Variants in MITF observed in about 807,000 individuals in gnomAD.
MITF encodes melanocyte inducing transcription factor, also known as microphthalmia-associated transcription factor.
A neutral mutation model predicts 60.5 loss-of-function variants in MITF; 17 were observed. The observed-to-expected ratio is 0.28, with a 90% CI of 0.19 to 0.42. MITF has a LOEUF of 0.42. Ranked by LOEUF, MITF falls within the 10% of genes least tolerant of loss-of-function variation. The pLI, the probability that MITF is intolerant of heterozygous loss-of-function variation, is 1.00. For synonymous variants in MITF, 260 were observed against 248.5 expected, an observed-to-expected ratio of 1.05 and a Z score of -0.43; for missense variants, 622 against 683.5, an observed-to-expected ratio of 0.91 and a Z score of 1.00.
chr3:69,889,023 T>C (rs1028688240), intron 2 of MITF, among the ~76,000 whole-genome samples: 1 of 138,230 alleles, frequency 7.2e-6, no homozygotes, highest in African/African-American at 2.6e-5. Flanking sequence ...TAATAGCCTT[T>C]GGTTTTTTTT....
At position 69,921,896 on chromosome 3, in the gene MITF, G is replaced by C. The variant is rs1575968352; in HGVS notation, c.355-15926G>C. 2.0e-5 allele frequency among the ~76,000 whole-genome samples: 3 copies of C among 152,182 alleles called. No individual in the cohort carries two copies. The South Asian group carries it at 6.2e-4, about 32-fold the overall frequency. On this transcript the variant is annotated intron_variant, in intron 2 of 9. Transcript: ENST00000352241. Reference sequence around the variant, plus strand: ...TTGAAAGGCTGTCTTGTGCATCGTAGGATGTTTAGCATCACCGCTGGACTC... The same window carrying C: ...TTGAAAGGCTGTCTTGTGCATCGTACGATGTTTAGCATCACCGCTGGACTC...
chr3:69,778,258 T>C (rs60551165), intron 1 of MITF, among the ~76,000 whole-genome samples: 28,632 of 152,020 alleles, frequency 0.19, 3,269 homozygotes, highest in East Asian at 0.48. Flanking sequence ...AGGATGAATA[T>C]TAATTCTTCC....
intron 1 of MITF, among the ~76,000 whole-genome samples, chr3:69,850,202 AT>A (rs1277287971): frequency 2.6e-5 from 4 of 152,164 alleles, no homozygotes; most frequent in African/African-American, 7.2e-5. Context: ...ATAGGATAAT[AT>A]TTTTGGAGTG....
chr3:69,753,368 G>A (rs1321319699), intron 1 of MITF, among the ~76,000 whole-genome samples: 1 of 152,246 alleles, frequency 6.6e-6, no homozygotes, highest in East Asian at 1.9e-4. Context: ...TGCTGCAGGG[G>A]CAGAGCCCTC....
intron 1 of MITF, among the ~76,000 whole-genome samples, chr3:69,808,225 T>C (rs1288773823): frequency 6.6e-6 from 1 of 151,652 alleles, no homozygotes; most frequent in African/African-American, 2.4e-5. Context: ...TTGATATAAT[T>C]GTAAAAGTAT....
chr3:69,951,831 G>A lies in MITF; in HGVS notation c.900G>A (p.Glu300=), dbSNP rs969065380. Residue 300 remains glutamate, a synonymous_variant, in exon 7 of 10, where the codon GAG becomes GAA. Coordinates refer to ENST00000352241, the MANE Select transcript of MITF (RefSeq NM_001354604.2). ...RELTACIFPT[E]SEARALAKER... is the part of the protein sequence containing the mutation. ...GCACAGCGTGTATTTTTCCCACAGA[G>A]TCTGAAGCAAGAGCACTGGCCAAAG... The A allele has an allele frequency of 1.1e-5, 18 of 1,613,426 alleles. No individual in the cohort carries two copies. The highest frequency in any genetic ancestry group is 1.4e-5 in the Non-Finnish European group (17 of 1,179,708).
chr3:69,765,553 C>T (rs768244579), intron 1 of MITF, among the ~76,000 whole-genome samples: 6 of 152,126 alleles, frequency 3.9e-5, no homozygotes, highest in Non-Finnish European at 8.8e-5. Context: ...AAATTAATTT[C>T]CCTCATTTTT....
intron 1 of MITF, among the ~76,000 whole-genome samples, chr3:69,855,274 A>C (rs541595190): frequency 6.6e-6 from 1 of 151,610 alleles, no homozygotes. Flanking sequence ...AAAAAAAAAA[A>C]AAAAACACTT....
Position 69,782,533 on chromosome 3 carries a change from A to G in MITF, c.104+42832A>G, listed in dbSNP as rs572432467. Among the ~76,000 whole-genome samples the G allele has an allele frequency of 3.9e-5, 6 of 152,360 alleles. No individual in the cohort carries two copies. The South Asian group carries it at 1.0e-3, about 26-fold the overall frequency. ...TTGTGTGAGTTACTCAAAGTCACAA[A>G]GCTAATTAAGTGATAAGCTGTGACT... On this transcript the variant is annotated intron_variant, in intron 1 of 9. Coordinates refer to ENST00000352241, the MANE Select transcript of MITF (RefSeq NM_001354604.2).
chr3:69,775,383 G>A (rs1370731448), intron 1 of MITF, among the ~76,000 whole-genome samples: 1 of 152,234 alleles, frequency 6.6e-6, no homozygotes, highest in Non-Finnish European at 1.5e-5. Context: ...CTCAGCTGAG[G>A]GTAACAACTG....
chr3:69,929,810 G>A (rs2107456517), intron 2 of MITF, among the ~76,000 whole-genome samples: 1 of 152,214 alleles, frequency 6.6e-6, no homozygotes, highest in South Asian at 2.1e-4. Flanking sequence ...TGAAGAGATG[G>A]TGGCTTGGAT....
At chr3:69,938,661 A>G (rs1343707587) in intron 3 of MITF, 1 of 1,328,178 alleles carries the variant, frequency 7.5e-7, no homozygotes, top group African/African-American at 1.5e-5. Context: ...CAAGACTCAA[A>G]CTACCTTCAA....
chr3:69,895,284 T>G (rs2064849360), intron 2 of MITF, among the ~76,000 whole-genome samples: 1 of 152,230 alleles, frequency 6.6e-6, no homozygotes, highest in South Asian at 2.1e-4. Flanking sequence ...CACCAGTTTC[T>G]CCTTGAGGGT....
At chr3:69,842,692 C>G (rs1008681427) in intron 1 of MITF, among the ~76,000 whole-genome samples, 4 of 152,084 alleles carry the variant, frequency 2.6e-5, no homozygotes, top group African/African-American at 9.7e-5. Flanking sequence ...GGGATATGCT[C>G]AAGTTGTTTA....
At chr3:69,960,493 C>T (rs2066514124) in intron 9 of MITF, among the ~76,000 whole-genome samples, 1 of 152,102 alleles carries the variant, frequency 6.6e-6, no homozygotes, top group Non-Finnish European at 1.5e-5. Context: ...GGCACTACTT[C>T]CTCTGAAATG....
chr3:69,909,277 C>T (rs992205855), intron 2 of MITF, among the ~76,000 whole-genome samples: 1 of 152,256 alleles, frequency 6.6e-6, no homozygotes, highest in Non-Finnish European at 1.5e-5. Flanking sequence ...TGCCTTTTAC[C>T]TCCTGCCATG....
chr3:69,917,470 GGTGC>G (rs770972836), intron 2 of MITF, among the ~76,000 whole-genome samples: 3 of 147,746 alleles, frequency 2.0e-5, no homozygotes, highest in Non-Finnish European at 4.4e-5. Flanking sequence ...TTCATGGTAT[GGTGC>G]TGAAGAGGAA....
chr3:69,750,003 C>T (rs1385427658), intron 1 of MITF, among the ~76,000 whole-genome samples: 1 of 152,148 alleles, frequency 6.6e-6, no homozygotes, highest in African/African-American at 2.4e-5. Flanking sequence ...TTTGATGGTG[C>T]TTGCTTGGTC....
chr3:69,889,842 G>C (rs1240094957), intron 2 of MITF, among the ~76,000 whole-genome samples: 2 of 151,956 alleles, frequency 1.3e-5, no homozygotes, highest in African/African-American at 4.8e-5. Context: ...TATATGAAAA[G>C]TTCAGTCTGA....
Sources: gnomAD v4.1 joint callset for allele counts (sites outside exome capture counted in the v4.1 genomes callset) on GRCh38, gnomAD v4.1.1 for gene constraint, MANE v1.5 for transcripts, NCBI Gene and HGNC (gene_info 2026-07-23, HGNC 2026-07-21) for gene names.